C1QTNF3: variants seen among roughly 807,000 people sequenced by gnomAD.
C1QTNF3 encodes C1q and TNF related 3.
In C1QTNF3, 26 loss-of-function variants were observed where a neutral mutation model predicts 32.6. The observed-to-expected ratio is 0.80, with a 90% CI of 0.58 to 1.11. The LOEUF is 1.11. Ranked by LOEUF, C1QTNF3 falls within the 50% of genes least tolerant of loss-of-function variation. The pLI is 0.00. For missense variants in C1QTNF3, 362 were observed against 398.2 expected, an observed-to-expected ratio of 0.91 and a Z score of 0.77; for synonymous variants, 155 against 146.0, an observed-to-expected ratio of 1.06 and a Z score of -0.44.
chr5:34,061,377 C>T, the C1QTNF3 span, among the ~76,000 whole-genome samples: 1 of 152,166 alleles, frequency 6.6e-6, no homozygotes, highest in Non-Finnish European at 1.5e-5. Context: ...GTCTGGAGAA[C>T]AGTGGCCTTC....
the C1QTNF3 span, chr5:34,164,771 A>G: frequency 1.4e-4 from 21 of 152,032 alleles, no homozygotes; most frequent in Non-Finnish European, 1.9e-4. Flanking sequence ...TAAATTCTAT[A>G]TAAGTAAACA....
the C1QTNF3 span, among the ~76,000 whole-genome samples, chr5:34,113,294 T>C: frequency 3.8e-4 from 57 of 151,500 alleles, 1 homozygote; most frequent in East Asian, 0.011. Context: ...GATGAGTCTT[T>C]GTTTTGAAAC....
the C1QTNF3 span, among the ~76,000 whole-genome samples, chr5:34,086,932 T>C: frequency 6.6e-6 from 1 of 152,094 alleles, no homozygotes; most frequent in Non-Finnish European, 1.5e-5. Flanking sequence ...ACTCACCATA[T>C]AGCCTTTAAC....
At chr5:34,197,763 C>T in the C1QTNF3 span, among the ~76,000 whole-genome samples, 1 of 151,930 alleles carries the variant, frequency 6.6e-6, no homozygotes, top group East Asian at 1.9e-4. Context: ...ATACCATAGA[C>T]AGGGTAGCTT....
the C1QTNF3 span, among the ~76,000 whole-genome samples, chr5:34,091,927 GC>G: frequency 9.4e-6 from 1 of 106,834 alleles, no homozygotes; most frequent in Non-Finnish European, 2.4e-5. Context: ...AAATCATTGT[GC>G]TTTAAAAAAA....
the C1QTNF3 span, among the ~76,000 whole-genome samples, chr5:34,177,945 G>C: frequency 3.9e-5 from 6 of 151,934 alleles, no homozygotes; most frequent in African/African-American, 1.5e-4. Context: ...TATCAATGCT[G>C]ACCTAGACCC....
chr5:34,128,382 G>C, the C1QTNF3 span, among the ~76,000 whole-genome samples: 1 of 152,226 alleles, frequency 6.6e-6, no homozygotes, highest in Non-Finnish European at 1.5e-5. Context: ...CTCACACAGA[G>C]TTCCCACTGG....
the C1QTNF3 span, among the ~76,000 whole-genome samples, chr5:34,068,291 G>C: frequency 9.9e-5 from 15 of 152,148 alleles, no homozygotes; most frequent in African/African-American, 3.4e-4. Context: ...TTCATTTCAA[G>C]ACATTTCTTA....
chr5:34,026,921 C>T (rs575703636), intron 4 of C1QTNF3, among the ~76,000 whole-genome samples: 17 of 152,164 alleles, frequency 1.1e-4, no homozygotes, highest in Non-Finnish European at 2.2e-4. Flanking sequence ...GAACAAAAGG[C>T]GTGAACCCAT....
At chr5:34,030,175 G>T (rs1381287763) in intron 3 of C1QTNF3, among the ~76,000 whole-genome samples, 1 of 152,186 alleles carries the variant, frequency 6.6e-6, no homozygotes, top group Non-Finnish European at 1.5e-5. Flanking sequence ...TCTTGGAACT[G>T]TAAAGTTTAG....
At chr5:34,178,140 G>C in the C1QTNF3 span, among the ~76,000 whole-genome samples, 1 of 144,668 alleles carries the variant, frequency 6.9e-6, no homozygotes, top group South Asian at 2.2e-4. Context: ...AATTAGGTGA[G>C]CATGGTGGTG....
chr5:34,233,201 T>G, the C1QTNF3 span, among the ~76,000 whole-genome samples: 1 of 148,152 alleles, frequency 6.7e-6, no homozygotes, highest in Non-Finnish European at 1.5e-5. Context: ...AGGAAGGAAA[T>G]CCTTGCCTCT....
chr5:34,133,408 A>G, the C1QTNF3 span, among the ~76,000 whole-genome samples: 1 of 152,124 alleles, frequency 6.6e-6, no homozygotes, highest in East Asian at 1.9e-4. Context: ...CAAAGGTCAG[A>G]TGCCAGTATG....
the C1QTNF3 span, among the ~76,000 whole-genome samples, chr5:34,145,604 T>G: frequency 1.3e-5 from 2 of 149,400 alleles, no homozygotes; most frequent in Admixed American, 1.3e-4. Context: ...TTCCAAAAAA[T>G]TGAGGGAGAC....
chr5:34,107,748 T>G, the C1QTNF3 span, among the ~76,000 whole-genome samples: 1 of 152,164 alleles, frequency 6.6e-6, no homozygotes, highest in South Asian at 2.1e-4. Context: ...GTCAACTTCC[T>G]CTGCTGGTTT....
the C1QTNF3 span, among the ~76,000 whole-genome samples, chr5:34,205,253 G>A: frequency 6.6e-6 from 1 of 152,166 alleles, no homozygotes; most frequent in Non-Finnish European, 1.5e-5. Flanking sequence ...TAGAGATACA[G>A]GAAGGCACTG....
At chr5:34,063,236 TTCTG>T in the C1QTNF3 span, among the ~76,000 whole-genome samples, 2 of 151,882 alleles carry the variant, frequency 1.3e-5, no homozygotes, top group Non-Finnish European at 2.9e-5. Flanking sequence ...CTCTTTGACT[TTCTG>T]TCTCTTTCTC....
At position 34,020,452 on chromosome 5, in the gene C1QTNF3, G is replaced by A. The variant is rs1264276335; in HGVS notation, c.*131C>T. ...CCAACATTATTGGTGTACCTGTAGC[G>A]TGAACAACATTGCAACCAATAATTT... On this transcript the variant is annotated 3_prime_UTR_variant, in exon 6 of 6. Transcript: ENST00000382065. The A allele has an allele frequency of 1.3e-5, 14 of 1,087,088 alleles. No individual in the cohort carries two copies. The highest frequency in any genetic ancestry group is 4.8e-5 in the East Asian group (2 of 42,010). 67.3% of individuals were successfully genotyped at this position (1,087,088 alleles called of 1,614,324 possible).
the C1QTNF3 span, among the ~76,000 whole-genome samples, chr5:34,226,432 C>CA: frequency 7.4e-6 from 1 of 135,832 alleles, no homozygotes; most frequent in African/African-American, 2.6e-5. Flanking sequence ...AAGACTGGTA[C>CA]AATAACTATC....
Sources: gnomAD v4.1 joint callset for allele counts (sites outside exome capture counted in the v4.1 genomes callset) on GRCh38, gnomAD v4.1.1 for gene constraint, MANE v1.5 for transcripts, NCBI Gene and HGNC (gene_info 2026-07-23, HGNC 2026-07-21) for gene names.